Variants in SMYD3 observed in about 807,000 individuals in gnomAD.
SMYD3 encodes histone-lysine N-methyltransferase SMYD3.
A neutral mutation model predicts 57.7 loss-of-function variants in SMYD3; 36 were observed. The observed-to-expected ratio is 0.62, with a 90% CI of 0.48 to 0.82. The LOEUF is 0.82. Ranked by LOEUF, SMYD3 falls within the 40% of genes least tolerant of loss-of-function variation. The pLI is 0.00. For missense variants in SMYD3, 515 were observed against 538.8 expected (o/e 0.96, Z 0.44); for synonymous variants, 211 against 195.0 (o/e 1.08, Z -0.68).
chr1:246,140,820 C>T (rs970457180), intron 5 of SMYD3, among the ~76,000 whole-genome samples: 3 of 152,130 alleles, frequency 2.0e-5, no homozygotes, highest in Non-Finnish European at 4.4e-5. Context: ...CTCTTGAACT[C>T]CTGGCCTTAA....
At chr1:245,865,521 A>G (rs1258081104) in intron 8 of SMYD3, among the ~76,000 whole-genome samples, 2 of 152,206 alleles carry the variant, frequency 1.3e-5, no homozygotes, top group African/African-American at 2.4e-5. Context: ...GACAATCACT[A>G]GCCTGGAACC....
chr1:246,505,674 C>T (rs190780836), intron 1 of SMYD3, among the ~76,000 whole-genome samples: 49 of 151,584 alleles, frequency 3.2e-4, no homozygotes, highest in Non-Finnish European at 4.1e-4. Flanking sequence ...TCCCCAGTTA[C>T]TGCAAACAGG....
intron 5 of SMYD3, among the ~76,000 whole-genome samples, chr1:246,129,738 T>C (rs936154993): frequency 6.6e-6 from 1 of 152,166 alleles, no homozygotes; most frequent in African/African-American, 2.4e-5. Context: ...ACATGAATAA[T>C]TTCCCCATCG....
At chr1:245,823,249 C>T (rs186338292) in intron 10 of SMYD3, among the ~76,000 whole-genome samples, 52 of 152,274 alleles carry the variant, frequency 3.4e-4, no homozygotes, top group Non-Finnish European at 5.3e-4. Flanking sequence ...TTGCAAAATC[C>T]ATTTCTCCTT....
At chr1:245,766,731 A>T (rs2046123006) in intron 10 of SMYD3, among the ~76,000 whole-genome samples, 1 of 152,228 alleles carries the variant, frequency 6.6e-6, no homozygotes, top group Non-Finnish European at 1.5e-5. Flanking sequence ...TCTTACACTA[A>T]TCATCACTCC....
At chr1:246,147,280 T>G (rs1458222952) in intron 5 of SMYD3, among the ~76,000 whole-genome samples, 1 of 152,118 alleles carries the variant, frequency 6.6e-6, no homozygotes, top group African/African-American at 2.4e-5. Context: ...CGATATTTAT[T>G]GCTGGAGAAA....
At chr1:246,107,284 C>G (rs1225686060) in intron 5 of SMYD3, among the ~76,000 whole-genome samples, 1 of 149,602 alleles carries the variant, frequency 6.7e-6, no homozygotes, top group South Asian at 2.1e-4. Flanking sequence ...AAGATTCCAT[C>G]GCAAAAAAAG....
chr1:246,000,920 T>C (rs907704683), intron 5 of SMYD3, among the ~76,000 whole-genome samples: 7 of 152,228 alleles, frequency 4.6e-5, no homozygotes, highest in African/African-American at 1.7e-4. Context: ...ACATTCCACA[T>C]AGATCGAAAG....
intron 5 of SMYD3, among the ~76,000 whole-genome samples, chr1:246,068,131 T>C (rs1572971790): frequency 1.3e-5 from 2 of 152,174 alleles, no homozygotes; most frequent in East Asian, 1.9e-4. Flanking sequence ...GATTTTCATC[T>C]GGAGGTATGT....
intron 1 of SMYD3, among the ~76,000 whole-genome samples, chr1:246,453,631 C>T (rs1572514411): frequency 6.6e-6 from 1 of 152,124 alleles, no homozygotes; most frequent in Admixed American, 6.5e-5. Flanking sequence ...TATGAACTGA[C>T]TTAAAATGCT....
At chr1:246,266,734 T>C (rs565831485) in intron 5 of SMYD3, among the ~76,000 whole-genome samples, 5 of 151,400 alleles carry the variant, frequency 3.3e-5, no homozygotes, top group African/African-American at 4.8e-5. Context: ...GAGGTGGAGG[T>C]TGCAGTGAGC....
chr1:246,298,225 G>A (rs1306828669), intron 5 of SMYD3, among the ~76,000 whole-genome samples: 1 of 140,634 alleles, frequency 7.1e-6, no homozygotes, highest in Non-Finnish European at 1.5e-5. Flanking sequence ...GCACACTGAG[G>A]TAAAAAAATA....
At chr1:245,844,936 C>A (rs1254923599) in intron 10 of SMYD3, among the ~76,000 whole-genome samples, 2 of 152,028 alleles carry the variant, frequency 1.3e-5, no homozygotes, top group Non-Finnish European at 2.9e-5. Context: ...ATTGGAAAAA[C>A]CAAAAATAAT....
intron 1 of SMYD3, among the ~76,000 whole-genome samples, chr1:246,481,627 C>G (rs147862473): frequency 3.9e-5 from 1 of 25,892 alleles, no homozygotes; most frequent in African/African-American, 1.3e-4. Context: ...TATATACATA[C>G]ATACATACAC....
rs182150658 is a variant in SMYD3, at chr1:245,934,829, G to A, written c.532-4892C>T. Among the ~76,000 whole-genome samples, 77 of 152,266 alleles carry A rather than the reference G, an allele frequency of 5.1e-4. 2 individuals carry two copies. The highest frequency in any genetic ancestry group is 1.8e-3 in the African/African-American group (75 of 41,550). On this transcript the variant is annotated intron_variant, in intron 5 of 11. Transcript: ENST00000490107. The stretch of plus-strand genomic sequence containing the variant: ...TCCCTTTGCCAGGAAGTTGCTGGAG[G>A]GTCTCAAGTTTTACCAGGGAGCATG...
chr1:245,913,256 G>A (rs546073303), intron 8 of SMYD3, among the ~76,000 whole-genome samples: 7 of 151,316 alleles, frequency 4.6e-5, no homozygotes, highest in Admixed American at 2.0e-4. Flanking sequence ...GCAAACTATC[G>A]CAAGGACAAA....
At chr1:246,235,768 G>A (rs1158465506) in intron 5 of SMYD3, among the ~76,000 whole-genome samples, 2 of 152,056 alleles carry the variant, frequency 1.3e-5, no homozygotes, top group Non-Finnish European at 2.9e-5. Flanking sequence ...TTTTCAAGGG[G>A]TTCACTGACC....
intron 10 of SMYD3, among the ~76,000 whole-genome samples, chr1:245,796,043 A>G (rs763289787): frequency 4.6e-5 from 7 of 152,118 alleles, no homozygotes; most frequent in Non-Finnish European, 1.0e-4. Flanking sequence ...TACAGGCCAC[A>G]CTTCTTTTTG....
At chr1:245,839,381 G>C (rs375820815) in intron 10 of SMYD3, among the ~76,000 whole-genome samples, 82 of 151,926 alleles carry the variant, frequency 5.4e-4, no homozygotes, top group South Asian at 1.7e-3. Flanking sequence ...GTGTTAGCCA[G>C]GATGGTCTCG....
Sources: gnomAD v4.1 joint callset for allele counts (sites outside exome capture counted in the v4.1 genomes callset) on GRCh38, gnomAD v4.1.1 for gene constraint, MANE v1.5 for transcripts, NCBI Gene and HGNC (gene_info 2026-07-23, HGNC 2026-07-21) for gene names.